ZNF101: variants seen among roughly 807,000 people sequenced by gnomAD.
ZNF101 encodes zinc finger protein 101, also known as zinc finger protein 101 (Y2).
ZNF101 carries 34 observed loss-of-function variants against 42.6 expected under a neutral mutation model. That is an observed-to-expected ratio of 0.80 (90% CI 0.61 to 1.06). The LOEUF (loss-of-function observed/expected upper bound fraction) is 1.06. Among genes scored for constraint, ZNF101 ranks in the 50% least tolerant of loss-of-function variants. The pLI, the probability that ZNF101 is intolerant of heterozygous loss-of-function variation, is 0.00. For missense variants in ZNF101, 466 were observed against 530.9 expected, an observed-to-expected ratio of 0.88 and a Z score of 1.20; for synonymous variants, 158 against 183.9, an observed-to-expected ratio of 0.86 and a Z score of 1.14.
chr19:19,672,076 T>TAA (rs1308235562), intron 1 of ZNF101: 3 of 146,698 alleles, frequency 2.0e-5, no homozygotes, highest in Non-Finnish European at 4.5e-5. Flanking sequence ...TGTGTGTGTA[T>TAA]ATATATATAT....
In ZNF101 at chr19:19,668,860, C is replaced by G. The variant is rs951596450; in HGVS notation, c.-104C>G. 5.6e-6 allele frequency: 8 copies of G among 1,428,218 alleles called. No homozygotes were observed. The Admixed American group carries it at 1.9e-4, about 33-fold the overall frequency. 88.5% of individuals were successfully genotyped at this position (1,428,218 alleles called of 1,614,324 possible). On this transcript the variant is annotated 5_prime_UTR_variant, in exon 1 of 4. Transcript: ENST00000592502. ...CCCCATTCGGGTCCGGGTTTTAGTT[C>G]CTCGGGGAGCCCCTGGTGCCCCGGA... is the stretch of plus-strand genomic sequence containing the variant.
intron 1 of ZNF101, among the ~76,000 whole-genome samples, chr19:19,669,661 CT>C (rs2062156960): frequency 6.6e-6 from 1 of 151,940 alleles, no homozygotes; most frequent in Admixed American, 6.6e-5. Context: ...GTCCGGCTAA[CT>C]TGTATTTTCA....
chr19:19,679,981 C>A lies in ZNF101; in HGVS notation c.992C>A (p.Ala331Asp). ...ACGTCCCTTCAAGCACATGAAAGAG[C>A]TCACACTGGAGAAAGACCTTATGAA... ...CPTSLQAHER[A>D]HTGERPYECN... Residue 331 changes from alanine (A) to aspartate (D), a missense_variant, in exon 4 of 4, where the codon GCT becomes GAT. By Grantham distance (126) the Ala-to-Asp change is moderately radical. Transcript: ENST00000592502. The A allele has an allele frequency of 6.2e-7, 1 of 1,613,938 alleles. No homozygotes were observed. Among genetic ancestry groups the A allele is most frequent in the Non-Finnish European group, 8.5e-7 (1 of 1,179,958 alleles).
Position 19,678,750 on chromosome 19 carries a change from T to C in ZNF101, c.155T>C (p.Ile52Thr), listed in dbSNP as rs557852144. 6 of 1,611,476 alleles carry C rather than the reference T, an allele frequency of 3.7e-6. No homozygotes were observed. In the African/African-American group the frequency reaches 8.0e-5, roughly 22 times the overall value. The change falls in exon 3 of 4, where the codon ATT becomes ACT. Residue 52 changes from isoleucine to threonine, a missense_variant. Ile to Thr is a moderately conservative substitution (Grantham distance 89). Transcript: ENST00000592502. ...GGAATCCAATGGAAAGACCAGGACA[T>C]TGAGAATCTGTACCAAAACCTGGGG... The part of the protein sequence containing the change: ...SVGIQWKDQD[I>T]ENLYQNLGIK...
chr19:19,677,318 T>G (rs1054823192), intron 1 of ZNF101: 1 of 152,752 alleles, frequency 6.5e-6, no homozygotes, highest in Admixed American at 6.5e-5. Context: ...ACTTCTAGTT[T>G]GGAACAAAAG....
intron 1 of ZNF101, 67 bp downstream of exon 1, chr19:19,669,033 C>T (rs1385938495): frequency 2.8e-5 from 43 of 1,535,414 alleles, no homozygotes; most frequent in Non-Finnish European, 3.6e-5. Context: ...AGTGGCTGGA[C>T]CTGGGCCTCC....
Position 19,679,664 on chromosome 19 carries a change from T to G in ZNF101, c.675T>G (p.Tyr225Ter). ...AAATGCATACTGGAGAAAAACGCTA[T>G]GAATGTAAATACTGTGGAAAACCTA... ...HGKMHTGEKR[Y>*]ECKYCGKPID... The change falls in exon 4 of 4, where the codon TAT (tyrosine) becomes TAG (stop). Residue 225 changes from tyrosine to a stop codon, truncating the protein, a stop_gained. Coordinates refer to ENST00000592502, the MANE Select transcript of ZNF101 (RefSeq NM_033204.4). LOFTEE classifies it high-confidence loss of function. 6.2e-7 allele frequency: 1 copy of G among 1,613,866 alleles called. No individual in the cohort carries two copies. Among genetic ancestry groups the G allele is most frequent in the South Asian group, 1.1e-5 (1 of 91,024 alleles).
chr19:19,678,228 TAA>T (rs375473498), intron 2 of ZNF101, among the ~76,000 whole-genome samples: 17 of 130,896 alleles, frequency 1.3e-4, no homozygotes, highest in Admixed American at 1.6e-4. Flanking sequence ...CCTGTCTCTT[TAA>T]AAAAAAAAAA....
At position 19,668,853 on chromosome 19, in the gene ZNF101, T is replaced by G; in HGVS notation, c.-111T>G. ...GCCGGCCCCCCATTCGGGTCCGGGT[T>G]TTAGTTCCTCGGGGAGCCCCTGGTG... On this transcript the variant is annotated 5_prime_UTR_variant, in exon 1 of 4. Coordinates refer to ENST00000592502, the MANE Select transcript of ZNF101 (RefSeq NM_033204.4). 7.2e-7 allele frequency: 1 copy of G among 1,393,518 alleles called. No individual in the cohort carries two copies. Among genetic ancestry groups the G allele is most frequent in the Non-Finnish European group, 9.6e-7 (1 of 1,042,312 alleles). 86.3% of individuals were successfully genotyped at this position (1,393,518 alleles called of 1,614,324 possible).
Position 19,682,100 on chromosome 19 carries a change from T to A in ZNF101, c.*1800T>A, listed in dbSNP as rs2062243244. On this transcript the variant is annotated 3_prime_UTR_variant, in exon 4 of 4. Coordinates refer to ENST00000592502, the MANE Select transcript of ZNF101 (RefSeq NM_033204.4). Reference sequence around the variant, plus strand: ...ACCACGCCTGGCTAATTTTTTTGTATTTTTAGTAGAGACGGGGCTTCACCA... The same window carrying A: ...ACCACGCCTGGCTAATTTTTTTGTAATTTTAGTAGAGACGGGGCTTCACCA... The A allele has an allele frequency of 6.6e-6, 1 of 151,922 alleles. No individual in the cohort carries two copies. The allele number at this position is 151,922 out of a possible 1,614,324, so 9.4% of individuals were successfully genotyped here. A position where few individuals can be genotyped will look rare whatever the true frequency, so the allele number is the denominator to read the frequency against.
Position 19,679,888 on chromosome 19 carries a change from A to G in ZNF101, c.899A>G (p.His300Arg), listed in dbSNP as rs1446766938. 2 of 1,614,070 alleles carry G rather than the reference A, an allele frequency of 1.2e-6. No homozygotes were observed. Among genetic ancestry groups the G allele is most frequent in the East Asian group, 2.2e-5 (1 of 44,904 alleles). The change falls in exon 4 of 4, where the codon CAT (histidine) becomes CGT (arginine). Residue 300 changes from histidine (H) to arginine (R), a missense_variant. Transcript: ENST00000592502. ...AGTTGTTCCAGTTCCCTTCACAGAC[A>G]TGAAAGAACTCATAGTGGAGGAAAA... ...KLSCSSSLHR[H>R]ERTHSGGKLY...
Position 19,668,916 on chromosome 19 carries a change from C to A in ZNF101, c.-48C>A. 1 of 1,570,374 alleles carries A rather than the reference C, an allele frequency of 6.4e-7. No individual in the cohort carries two copies. Among genetic ancestry groups the A allele is most frequent in the Non-Finnish European group, 8.6e-7 (1 of 1,158,126 alleles). On this transcript the variant is annotated 5_prime_UTR_variant, in exon 1 of 4. In the 5' UTR this introduces an upstream ATG that the reference lacks. Transcript: ENST00000592502. ...CTGATTTTGTCGTGTGGGACCTGTT[C>A]TGGCTGCTCCAGCCCCAGGAAGGAC...
chr19:19,670,024 C>G (rs891370258), intron 1 of ZNF101, among the ~76,000 whole-genome samples: 2 of 152,102 alleles, frequency 1.3e-5, no homozygotes, highest in African/African-American at 4.8e-5. Context: ...GGTATTGGGT[C>G]CTCAGCCCAC....
At chr19:19,669,895 C>G (rs532754595) in intron 1 of ZNF101, among the ~76,000 whole-genome samples, 1 of 152,150 alleles carries the variant, frequency 6.6e-6, no homozygotes, top group South Asian at 2.1e-4. Context: ...AAAATAACCC[C>G]CTGACACTCC....
At chr19:19,672,112 ATATATT>A (rs1452809119) in intron 1 of ZNF101, 1 of 148,142 alleles carries the variant, frequency 6.8e-6, no homozygotes, top group Admixed American at 6.8e-5. Context: ...ATGATTATAT[ATATATT>A]TATAAGTTGT....
At chr19:19,668,345 C>A (rs2062144891), upstream of ZNF101, among the ~76,000 whole-genome samples, 1 of 151,974 alleles carries the variant, frequency 6.6e-6, no homozygotes, top group African/African-American at 2.4e-5. Flanking sequence ...GTGTCCTGAC[C>A]GCATCCTGGA....
At chr19:19,668,544 G>GA (rs1337508741), upstream of ZNF101, among the ~76,000 whole-genome samples, 7 of 152,084 alleles carry the variant, frequency 4.6e-5, no homozygotes, top group Admixed American at 1.3e-4. Flanking sequence ...ACTGATGGGG[G>GA]AAGGAGGGGA....
At chr19:19,672,129 A>G (rs1256474573) in intron 1 of ZNF101, 3 of 148,092 alleles carry the variant, frequency 2.0e-5, no homozygotes, top group Non-Finnish European at 4.5e-5. Context: ...TATAAGTTGT[A>G]TGATTATATA....
chr19:19,682,776 T>C lies in ZNF101; in HGVS notation c.*2476T>C, dbSNP rs2062246412. 6.6e-6 allele frequency: 1 copy of C among 152,164 alleles called. No individual in the cohort carries two copies. Among genetic ancestry groups the C allele is most frequent in the Non-Finnish European group, 1.5e-5 (1 of 68,034 alleles). 9.4% of individuals were successfully genotyped at this position (152,164 alleles called of 1,614,324 possible). On this transcript the variant is annotated 3_prime_UTR_variant, in exon 4 of 4. Coordinates refer to ENST00000592502, the MANE Select transcript of ZNF101 (RefSeq NM_033204.4). ...GGTTTAATTTTTATGTAGTGTTTAA[T>C]TGTTCTGTGATGAATGGGCCATTAC... is the stretch of plus-strand genomic sequence containing the variant.
Sources: gnomAD v4.1 joint callset for allele counts (sites outside exome capture counted in the v4.1 genomes callset) on GRCh38, gnomAD v4.1.1 for gene constraint, MANE v1.5 for transcripts, NCBI Gene and HGNC (gene_info 2026-07-23, HGNC 2026-07-21) for gene names.